The following SLC39A11 variants were observed in gnomAD, a reference collection of about 807,000 sequenced individuals.
The protein encoded by SLC39A11 is solute carrier family 39 member 11.
Under a neutral mutation model 36.1 loss-of-function variants are expected in SLC39A11, and 33 were observed. The ratio of observed to expected loss-of-function variants is 0.91; its 90% confidence interval spans 0.69 to 1.22. The LOEUF (loss-of-function observed/expected upper bound fraction) is 1.22, where lower values mean the gene tolerates loss of function less well. SLC39A11 is among the 50% of genes most tolerant of loss of function. SLC39A11 has a pLI of 0.00. For synonymous variants in SLC39A11, 166 were observed against 170.3 expected (o/e 0.97, Z 0.20); for missense variants, 432 against 430.3 (o/e 1.00, Z -0.03).
intron 6 of SLC39A11, among the ~76,000 whole-genome samples, chr17:72,807,610 A>G (rs1368903527): frequency 1.3e-5 from 2 of 152,206 alleles, no homozygotes; most frequent in Admixed American, 6.5e-5. Flanking sequence ...TAAAAACTCA[A>G]CAAGAAGATA....
At chr17:73,009,009 C>G (rs1384252438) in intron 4 of SLC39A11, among the ~76,000 whole-genome samples, 1 of 143,472 alleles carries the variant, frequency 7.0e-6, no homozygotes. Flanking sequence ...CTGCAGTGAG[C>G]TGCCATTGCA....
chr17:72,700,464 C>T (rs1160832309), intron 7 of SLC39A11, among the ~76,000 whole-genome samples: 2 of 152,228 alleles, frequency 1.3e-5, no homozygotes, highest in Admixed American at 6.5e-5. Flanking sequence ...GGTTTCTGAA[C>T]ATCTCCAAGA....
At chr17:72,964,400 G>A (rs1474365683) in intron 4 of SLC39A11, among the ~76,000 whole-genome samples, 2 of 152,234 alleles carry the variant, frequency 1.3e-5, no homozygotes, top group East Asian at 1.9e-4. Flanking sequence ...GCTGTAAGCT[G>A]ATGGCCTCCA....
chr17:73,013,559 G>A (rs1477091637), intron 4 of SLC39A11, among the ~76,000 whole-genome samples: 3 of 152,250 alleles, frequency 2.0e-5, no homozygotes, highest in African/African-American at 4.8e-5. Flanking sequence ...CCCTCAGGCT[G>A]TACTTTGCCA....
intron 5 of SLC39A11, among the ~76,000 whole-genome samples, chr17:72,914,271 G>A (rs62069573): frequency 0.14 from 21,406 of 150,842 alleles, 1,843 homozygotes; most frequent in Non-Finnish European, 0.2. Flanking sequence ...AGACGAGATC[G>A]TGCCACTATA....
At chr17:72,892,123 A>G (rs528682372) in intron 5 of SLC39A11, among the ~76,000 whole-genome samples, 166 of 152,320 alleles carry the variant, frequency 1.1e-3, no homozygotes, top group African/African-American at 3.7e-3. Flanking sequence ...CTAATTATAA[A>G]AAGTTATTAG....
chr17:73,039,536 T>C (rs1407237560), intron 3 of SLC39A11, among the ~76,000 whole-genome samples: 1 of 152,190 alleles, frequency 6.6e-6, no homozygotes. Context: ...TGAGAACGCA[T>C]GATCAGGAAG....
chr17:72,912,943 C>G (rs9899319), intron 5 of SLC39A11, among the ~76,000 whole-genome samples: 1 of 151,848 alleles, frequency 6.6e-6, no homozygotes, highest in African/African-American at 2.4e-5. Context: ...ACCCCAAGAG[C>G]TTTCCCCAGA....
intron 7 of SLC39A11, among the ~76,000 whole-genome samples, chr17:72,720,966 C>G (rs73351008): frequency 0.14 from 21,436 of 152,012 alleles, 1,624 homozygotes; most frequent in African/African-American, 0.19. Flanking sequence ...CTCCCCCAGG[C>G]TCTCCCACTT....
At chr17:72,735,477 G>A (rs2074387839) in intron 7 of SLC39A11, among the ~76,000 whole-genome samples, 1 of 152,196 alleles carries the variant, frequency 6.6e-6, no homozygotes, top group African/African-American at 2.4e-5. Context: ...GAGTCAGGGA[G>A]AATATTTTGG....
chr17:73,011,683 T>C (rs2090527871), intron 4 of SLC39A11, among the ~76,000 whole-genome samples: 1 of 146,342 alleles, frequency 6.8e-6, no homozygotes, highest in Non-Finnish European at 1.5e-5. Flanking sequence ...TTTTTTTGGA[T>C]GGAGTTTCAC....
intron 3 of SLC39A11, among the ~76,000 whole-genome samples, chr17:73,047,996 T>TATATATATATATATATATAC: frequency 2.0e-5 from 1 of 50,608 alleles, no homozygotes; most frequent in Non-Finnish European, 3.5e-5. Flanking sequence ...AAAAAATATA[T>TATATATATATATATATATAC]ATATATATAT....
intron 4 of SLC39A11, among the ~76,000 whole-genome samples, chr17:72,997,413 C>A (rs1322439660): frequency 2.0e-5 from 3 of 152,122 alleles, no homozygotes; most frequent in African/African-American, 7.2e-5. Flanking sequence ...ACCACCACGC[C>A]CGGCTAATTT....
intron 5 of SLC39A11, among the ~76,000 whole-genome samples, chr17:72,925,212 G>A (rs545171612): frequency 6.6e-6 from 1 of 152,012 alleles, no homozygotes; most frequent in East Asian, 1.9e-4. Flanking sequence ...TGTGGACCAG[G>A]TCACTTATTT....
chr17:72,720,929 A>C (rs1440203090), intron 7 of SLC39A11, among the ~76,000 whole-genome samples: 1 of 151,900 alleles, frequency 6.6e-6, no homozygotes, highest in Non-Finnish European at 1.5e-5. Context: ...CAGTAAGTTA[A>C]ACTTGATAGG....
chr17:73,026,518 A>C (rs1208709441), intron 4 of SLC39A11, among the ~76,000 whole-genome samples: 1 of 71,760 alleles, frequency 1.4e-5, no homozygotes, highest in Non-Finnish European at 2.4e-5. Flanking sequence ...AAACTACATC[A>C]AAAAAAAAAA....
Position 72,724,035 on chromosome 17 carries a change from C to T in SLC39A11, c.671+12615G>A, listed in dbSNP as rs77453942. On this transcript the variant is annotated intron_variant, in intron 7 of 9. Transcript: ENST00000255559. ...CAGTCAAAGAAAAATCTTAGACGTGCAACTATTGGGCGATCAGTGGTGCTA... is the reference window on the plus strand; with the variant it reads ...CAGTCAAAGAAAAATCTTAGACGTGTAACTATTGGGCGATCAGTGGTGCTA... Among the ~76,000 whole-genome samples the T allele has an allele frequency of 1.5e-3, 231 of 152,220 alleles. 5 individuals are homozygous for T. In the East Asian group the frequency reaches 0.041, roughly 27 times the overall value.
intron 5 of SLC39A11, among the ~76,000 whole-genome samples, chr17:72,860,769 C>T (rs1312022992): frequency 6.6e-6 from 1 of 152,196 alleles, no homozygotes; most frequent in East Asian, 1.9e-4. Flanking sequence ...GACTGAGAAC[C>T]TGGGCCAACT....
At chr17:72,954,659 C>T (rs1417577526) in intron 4 of SLC39A11, among the ~76,000 whole-genome samples, 4 of 152,238 alleles carry the variant, frequency 2.6e-5, no homozygotes, top group African/African-American at 9.6e-5. Context: ...ACTCGTAACA[C>T]AATCTTTTAA....
Sources: gnomAD v4.1 joint callset for allele counts (sites outside exome capture counted in the v4.1 genomes callset) on GRCh38, gnomAD v4.1.1 for gene constraint, MANE v1.5 for transcripts, NCBI Gene and HGNC (gene_info 2026-07-23, HGNC 2026-07-21) for gene names.